The following CHD5 variants were observed in gnomAD, a reference collection of about 807,000 sequenced individuals.
The protein encoded by CHD5 is chromodomain helicase DNA binding protein 5, also known as ATP-dependent chromatin remodeler CHD5.
A neutral mutation model predicts 230.3 loss-of-function variants in CHD5; 69 were observed. That is an observed-to-expected ratio of 0.30 (90% CI 0.25 to 0.37). The LOEUF (loss-of-function observed/expected upper bound fraction) is 0.37, where lower values mean the gene tolerates loss of function less well. Among genes scored for constraint, CHD5 ranks in the 10% least tolerant of loss-of-function variants. The probability of loss-of-function intolerance (pLI) is 1.00; values close to 1 mark genes in which losing one functional copy is unlikely to be tolerated. For missense variants in CHD5, 1,827 were observed against 2,622.8 expected (o/e 0.70, Z 6.63); for synonymous variants, 1,064 against 1,065.9 (o/e 1.00, Z 0.03).
Position 6,134,029 on chromosome 1 carries a change from G to T in CHD5, c.3144+99C>A. The T allele has an allele frequency of 8.3e-7, 1 of 1,208,566 alleles. No individual in the cohort carries two copies. Among genetic ancestry groups the T allele is most frequent in the Non-Finnish European group, 1.2e-6 (1 of 850,780 alleles). 74.9% of individuals were successfully genotyped at this position (1,208,566 alleles called of 1,614,324 possible). A position where few individuals can be genotyped will look rare whatever the true frequency, so the allele number is the denominator to read the frequency against. On this transcript the variant is annotated intron_variant, in intron 20 of 41. Transcript: ENST00000262450. The surrounding 1 kb of genome is among the most constrained non-coding windows in gnomAD (Gnocchi z 6.3). ...ATGACCCACATGGGAACGGCACTGG[G>T]CCCTGAGGGGTGCCAGCAAGTTTGC...
At chr1:6,152,374 G>A in intron 6 of CHD5, 38 bp downstream of exon 6, 2 of 1,592,352 alleles carry the variant, frequency 1.3e-6, no homozygotes, top group Non-Finnish European at 8.6e-7. Context: ...ACACATGCAT[G>A]CAAATGCACA....
chr1:6,136,630 C>A lies in CHD5; in HGVS notation c.2583G>T (p.Arg861Ser). The change falls in exon 17 of 42, where the codon AGG (arginine) becomes AGT (serine). Residue 861 changes from arginine (R) to serine (S), a missense_variant. Arg to Ser is a moderately radical substitution (Grantham distance 110). Transcript: ENST00000262450. Reference protein sequence around the residue: ...RLKNNQSKFFRVLNSYKIDYK... With the variant: ...RLKNNQSKFFSVLNSYKIDYK... ...AATCAATCTTGTAGCTGTTTAAGAC[C>A]CTAAAAAACTGAGGGGAGGAGAGTG... 3 of 1,614,044 alleles carry A rather than the reference C, an allele frequency of 1.9e-6. No homozygotes were observed. Among genetic ancestry groups the A allele is most frequent in the Non-Finnish European group, 2.5e-6 (3 of 1,180,000 alleles).
In CHD5 at chr1:6,134,664, G is replaced by A. The variant is rs370895363; in HGVS notation, c.3012+54C>T. 2.7e-3 allele frequency: 4,268 copies of A among 1,558,834 alleles called. 38 individuals carry two copies. Among genetic ancestry groups the A allele is most frequent in the Non-Finnish European group, 2.0e-3 (2,270 of 1,160,012 alleles). On this transcript the variant is annotated intron_variant, in intron 19 of 41. Transcript: ENST00000262450. The surrounding 1 kb of genome is among the most constrained non-coding windows in gnomAD (Gnocchi z 6.3). ...ACAGGGACCTACCATGGCGGCCACA[G>A]GCACCTACCATGGCGGTCATGGAGA...
chr1:6,127,888 G>T (rs1666586649), intron 25 of CHD5, among the ~76,000 whole-genome samples, 158 bp downstream of exon 25: 1 of 151,972 alleles, frequency 6.6e-6, no homozygotes, highest in African/African-American at 2.4e-5. Context: ...GCGGGGCACA[G>T]CAGGGAGGGC....
At chr1:6,159,673 G>A (rs534770146) in intron 2 of CHD5, among the ~76,000 whole-genome samples, 158 bp from the exon 3 acceptor site, 1 of 152,308 alleles carries the variant, frequency 6.6e-6, no homozygotes, top group Admixed American at 6.5e-5. Flanking sequence ...TCACAGCTCA[G>A]CCCCAAAGCC....
rs1429123770 is a variant in CHD5, at chr1:6,128,543, T to G, written c.3686A>C (p.Asn1229Thr). The G allele has an allele frequency of 1.2e-5, 19 of 1,614,126 alleles. No homozygotes were observed. The highest frequency in any genetic ancestry group is 1.5e-5 in the Non-Finnish European group (18 of 1,179,992). ...CTTCTTCTTTGCACTGGCGGCCAAG[T>G]TCCCCCCTTTGGAGGACTGGACATC... ...IPDVQSSKGG[N>T]LAASAKKKHG... is the part of the protein sequence containing the mutation. Residue 1229 changes from asparagine (N) to threonine (T), a missense_variant, in exon 24 of 42, where the codon AAC becomes ACC. By Grantham distance (65) the Asn-to-Thr change is moderately conservative. Transcript: ENST00000262450. This position sits in a 1 kb window ranked among gnomAD's most constrained non-coding sequence, Gnocchi z 7.8.
Position 6,149,211 on chromosome 1 carries a change from C to T in CHD5, c.1161+35G>A, listed in dbSNP as rs41279498. ...ACAGGGGTGGGGGAGCCAGGCGTGGCCCCGCCCCCAGCCCGGGGCTCTGCC... is the reference window on the plus strand; with the variant it reads ...ACAGGGGTGGGGGAGCCAGGCGTGGTCCCGCCCCCAGCCCGGGGCTCTGCC... On this transcript the variant is annotated intron_variant, in intron 8 of 41. Transcript: ENST00000262450. 9.7e-4 allele frequency: 1,496 copies of T among 1,534,594 alleles called. 5 individuals are homozygous for T. The highest frequency in any genetic ancestry group is 6.5e-3 in the Middle Eastern group (32 of 4,920).
At chr1:6,145,817 C>T (rs994004287) in intron 11 of CHD5, among the ~76,000 whole-genome samples, 1 of 152,220 alleles carries the variant, frequency 6.6e-6, no homozygotes, top group African/African-American at 2.4e-5. Flanking sequence ...ACGCCTCCCT[C>T]CCAGGGTAGG....
intron 6 of CHD5, 146 bp downstream of exon 6, chr1:6,152,266 T>C: frequency 1.2e-6 from 1 of 841,378 alleles, no homozygotes. Flanking sequence ...CACCTGCATG[T>C]AGGATGGAAG....
chr1:6,106,171 G>A, intron 41 of CHD5, 63 bp downstream of exon 41: 1 of 1,445,372 alleles, frequency 6.9e-7, no homozygotes, highest in Non-Finnish European at 9.7e-7. Flanking sequence ...GGCTGACTGT[G>A]GCCAGGCCTG....
rs1164095091 is a variant in CHD5 at position 6,104,535 on chromosome 1, G to A, written c.*939C>T. The A allele has an allele frequency of 1.3e-5, 2 of 151,970 alleles. No homozygotes were observed. The highest frequency in any genetic ancestry group is 2.9e-5 in the Non-Finnish European group (2 of 68,016). 9.4% of individuals were successfully genotyped at this position (151,970 alleles called of 1,614,324 possible). On this transcript the variant is annotated 3_prime_UTR_variant, in exon 42 of 42. Coordinates refer to ENST00000262450, the MANE Select transcript of CHD5 (RefSeq NM_015557.3). ...CAGCTCAGGGCCCATGACCCTCCTT[G>A]CTGGGGCGCAGCTATCACTGCCCTT...
chr1:6,132,541 T>C (rs368319350), intron 20 of CHD5, among the ~76,000 whole-genome samples: 12 of 152,240 alleles, frequency 7.9e-5, no homozygotes, highest in African/African-American at 2.9e-4. Flanking sequence ...CACCATTTTT[T>C]CTGTTTCTTC....
rs982057579 is a variant in CHD5, at chr1:6,172,924, C to T, written c.80-4647G>A. On this transcript the variant is annotated intron_variant, in intron 1 of 41. Transcript: ENST00000262450. ...CAAGGTGATCAAAACAAGGGGAAGGCGCGTGACTGTGGAGCGAAAGTTAGG... is the reference window on the plus strand; with the variant it reads ...CAAGGTGATCAAAACAAGGGGAAGGTGCGTGACTGTGGAGCGAAAGTTAGG... Among the ~76,000 whole-genome samples, 103 of 151,992 alleles carry T rather than the reference C, an allele frequency of 6.8e-4. 2 individuals carry two copies. The highest frequency in any genetic ancestry group is 9.2e-4 in the Admixed American group (14 of 15,252).
Position 6,125,547 on chromosome 1 carries a change from C to A in CHD5, c.4237G>T (p.Ala1413Ser), listed in dbSNP as rs1207635729. Residue 1413 changes from alanine to serine, a missense_variant, in exon 28 of 42, where the codon GCC (alanine) becomes TCC (serine). Ala to Ser is a moderately conservative substitution (Grantham distance 99). This residue lies in a region of CHD5 where 137 missense variants were observed against 272.7 expected (regional missense o/e 0.50). Coordinates refer to ENST00000262450, the MANE Select transcript of CHD5 (RefSeq NM_015557.3). The surrounding 1 kb of genome is among the most constrained non-coding windows in gnomAD (Gnocchi z 6.7). ...DRDKPLPPLLARVGGNIEVLG... is the reference protein window; with the variant it reads ...DRDKPLPPLLSRVGGNIEVLG... Reference sequence around the variant, plus strand: ...ACCTCGATGTTGCCACCAACTCGGGCGAGAAGCGGGGGCAGGGGCTTGTCC... The same window carrying A: ...ACCTCGATGTTGCCACCAACTCGGGAGAGAAGCGGGGGCAGGGGCTTGTCC... 2 of 1,596,056 alleles carry A rather than the reference C, an allele frequency of 1.3e-6. No homozygotes were observed. The highest frequency in any genetic ancestry group is 8.5e-7 in the Non-Finnish European group (1 of 1,170,420).
intron 15 of CHD5, among the ~76,000 whole-genome samples, chr1:6,140,825 A>C (rs2311389): frequency 0.92 from 140,465 of 152,090 alleles, 65,104 homozygotes; most frequent in Non-Finnish European, 0.95. Flanking sequence ...CATACGGAGA[A>C]TCCATCTCTA....
chr1:6,109,711 CA>C, intron 38 of CHD5, 83 bp downstream of exon 38: 1 of 1,186,050 alleles, frequency 8.4e-7, no homozygotes, highest in South Asian at 1.4e-5. Context: ...CCTACCCCAT[CA>C]GTGCCCTCAT....
chr1:6,123,305 G>A lies in CHD5; in HGVS notation c.4699+643C>T, dbSNP rs372581966. 1.3e-3 allele frequency among the ~76,000 whole-genome samples: 196 copies of A among 152,286 alleles called. 2 individuals are homozygous for A. The highest frequency in any genetic ancestry group is 4.3e-3 in the African/African-American group (180 of 41,554). On this transcript the variant is annotated intron_variant, in intron 31 of 41. Coordinates refer to ENST00000262450, the MANE Select transcript of CHD5 (RefSeq NM_015557.3). ...GTTAGTGGCTGCCCAGGCCTGGGGTGGGGGGATAAGGAGTGGCTGCTAATG... is the reference window on the plus strand; with the variant it reads ...GTTAGTGGCTGCCCAGGCCTGGGGTAGGGGGATAAGGAGTGGCTGCTAATG...
intron 31 of CHD5, among the ~76,000 whole-genome samples, chr1:6,122,261 A>G (rs2843495): frequency 0.25 from 37,819 of 152,188 alleles, 5,446 homozygotes; most frequent in South Asian, 0.43. Context: ...CTTAACAGGT[A>G]TTTGCTTCAC....
At chr1:6,120,249 G>A (rs77639821) in intron 33 of CHD5, among the ~76,000 whole-genome samples, 3,893 of 152,130 alleles carry the variant, frequency 0.026, 157 homozygotes, top group African/African-American at 0.087. Flanking sequence ...AAATCTGACC[G>A]TATCAGGCCA....
Sources: gnomAD v4.1 joint callset for allele counts (sites outside exome capture counted in the v4.1 genomes callset) on GRCh38, gnomAD v4.1.1 for gene constraint, gnomAD v4.1.1 regional missense constraint, Gnocchi (gnomAD v3.1) non-coding constraint, MANE v1.5 for transcripts, NCBI Gene and HGNC (gene_info 2026-07-23, HGNC 2026-07-21) for gene names.